The following PDE1C variants were observed in gnomAD, a reference collection of about 807,000 sequenced individuals.
PDE1C encodes dual specificity calcium/calmodulin-dependent 3',5'-cyclic nucleotide phosphodiesterase 1C.
PDE1C carries 62 observed loss-of-function variants against 93.1 expected under a neutral mutation model. The observed-to-expected ratio is 0.67, with a 90% CI of 0.54 to 0.82. PDE1C has a LOEUF of 0.82. Among genes scored for constraint, PDE1C ranks in the 40% least tolerant of loss-of-function variants. PDE1C has a pLI of 0.00. For synonymous variants in PDE1C, 325 were observed against 310.1 expected (o/e 1.05, Z -0.50); for missense variants, 742 against 884.6 (o/e 0.84, Z 2.04).
rs201741291 is a variant in PDE1C, at chr7:31,753,069, AT to A, written c.*314del. 45 of 177,720 alleles carry A rather than the reference AT, an allele frequency of 2.5e-4. No homozygotes were observed. The highest frequency in any genetic ancestry group is 4.3e-4 in the East Asian group (3 of 6,974). 11.0% of individuals were successfully genotyped at this position (177,720 alleles called of 1,614,324 possible). A position where few individuals can be genotyped will look rare whatever the true frequency, so the allele number is the denominator to read the frequency against. On this transcript the variant is annotated 3_prime_UTR_variant, in exon 18 of 18. Coordinates refer to ENST00000396191, the MANE Select transcript of PDE1C (RefSeq NM_001191057.4). ...AAAAAGTGGCAATGAGAGGAATTTT[AT>A]TTTTTTTTAAGTTTGTGTCATTTTA...
chr7:32,049,971 A>T (rs1339733091), intron 2 of PDE1C, among the ~76,000 whole-genome samples: 1 of 152,228 alleles, frequency 6.6e-6, no homozygotes, highest in Non-Finnish European at 1.5e-5. Context: ...AGCCTACTAC[A>T]TGCCTAGGCT....
At chr7:31,780,876 A>C (rs1783362298) in intron 16 of PDE1C, among the ~76,000 whole-genome samples, 1 of 151,942 alleles carries the variant, frequency 6.6e-6, no homozygotes, top group Non-Finnish European at 1.5e-5. Flanking sequence ...TTTGGGAAAT[A>C]AACACTTTAA....
At chr7:32,407,085 C>T (rs569081579) in intron 1 of PDE1C, among the ~76,000 whole-genome samples, 6 of 152,092 alleles carry the variant, frequency 3.9e-5, no homozygotes, top group Non-Finnish European at 5.9e-5. Flanking sequence ...ACCAGCCTGG[C>T]CAACATGGTG....
chr7:32,206,771 G>C (rs986469758), intron 2 of PDE1C, among the ~76,000 whole-genome samples: 2 of 152,324 alleles, frequency 1.3e-5, no homozygotes, highest in East Asian at 3.9e-4. Context: ...GGTGGCTCTC[G>C]CCCCAGGACA....
intron 2 of PDE1C, among the ~76,000 whole-genome samples, chr7:32,206,803 A>C (rs1805591351): frequency 6.6e-6 from 1 of 152,212 alleles, no homozygotes; most frequent in Non-Finnish European, 1.5e-5. Flanking sequence ...GATAGATGCC[A>C]TTCTCAAACC....
intron 1 of PDE1C, among the ~76,000 whole-genome samples, chr7:32,054,773 C>A (rs1343501311): frequency 2.6e-5 from 4 of 152,208 alleles, no homozygotes; most frequent in African/African-American, 9.6e-5. Flanking sequence ...GCCCTAAAAT[C>A]AACCCAAATG....
intron 3 of PDE1C, among the ~76,000 whole-genome samples, chr7:32,140,572 C>A (rs1389207230): frequency 6.6e-6 from 1 of 152,226 alleles, no homozygotes; most frequent in African/African-American, 2.4e-5. Context: ...CACACTTTTC[C>A]TGACAGCTGA....
intron 2 of PDE1C, among the ~76,000 whole-genome samples, chr7:31,888,308 A>G (rs1253664464): frequency 6.6e-6 from 1 of 150,434 alleles, no homozygotes; most frequent in Non-Finnish European, 1.5e-5. Context: ...TGATCTCGTT[A>G]TGCACCTCAA....
At chr7:32,323,840 G>A (rs1273627312) in intron 1 of PDE1C, among the ~76,000 whole-genome samples, 1 of 152,098 alleles carries the variant, frequency 6.6e-6, no homozygotes, top group East Asian at 1.9e-4. Flanking sequence ...ACCCCAGCAT[G>A]GGTTTGGAGC....
chr7:31,813,366 G>A (rs1214990171), intron 15 of PDE1C, among the ~76,000 whole-genome samples: 2 of 152,082 alleles, frequency 1.3e-5, no homozygotes, highest in African/African-American at 4.8e-5. Flanking sequence ...GCTGGGGTGG[G>A]GGAAAAGTCC....
At chr7:31,634,163 T>G in the PDE1C span, among the ~76,000 whole-genome samples, 3 of 152,288 alleles carry the variant, frequency 2.0e-5, no homozygotes, top group East Asian at 3.9e-4. Flanking sequence ...CAGAAATGTT[T>G]CCCAACTTAC....
At chr7:31,686,581 C>T in the PDE1C span, 3 of 152,088 alleles carry the variant, frequency 2.0e-5, no homozygotes, top group Non-Finnish European at 4.4e-5. Context: ...ATTTCATTAC[C>T]CCATTCAAAC....
chr7:31,988,995 CAA>C (rs36081234), intron 2 of PDE1C, among the ~76,000 whole-genome samples: 41 of 34,170 alleles, frequency 1.2e-3, no homozygotes, highest in African/African-American at 3.6e-3. Flanking sequence ...AACTTCTTCT[CAA>C]AAAAAAAAAA....
chr7:31,848,612 A>ATAT (rs1243425706), intron 8 of PDE1C, among the ~76,000 whole-genome samples: 1 of 152,198 alleles, frequency 6.6e-6, no homozygotes, highest in Non-Finnish European at 1.5e-5. Context: ...AGAATAAAGA[A>ATAT]TATAAAGATT....
chr7:31,975,891 C>T lies in PDE1C; in HGVS notation c.128+75663G>A, dbSNP rs914515463. Among the ~76,000 whole-genome samples, 3 of 152,174 alleles carry T rather than the reference C, an allele frequency of 2.0e-5. No homozygotes were observed. In the South Asian group the frequency reaches 6.2e-4, roughly 32 times the overall value. ...AACCACATCACTGATTTACACTCTC[C>T]TCCACATTTAACCGAAAAGTGACCA... On this transcript the variant is annotated intron_variant, in intron 2 of 17. Transcript: ENST00000396191.
At chr7:31,642,358 G>A in the PDE1C span, 1 of 801,894 alleles carries the variant, frequency 1.2e-6, no homozygotes, top group Non-Finnish European at 2.0e-6. Flanking sequence ...AGCTAACTCA[G>A]AAAGAGGGGT....
At chr7:32,296,474 G>T (rs527613835) in intron 1 of PDE1C, among the ~76,000 whole-genome samples, 1 of 152,244 alleles carries the variant, frequency 6.6e-6, no homozygotes, top group African/African-American at 2.4e-5. Context: ...AATGTGGAAA[G>T]GGGGAGGGAA....
intron 17 of PDE1C, among the ~76,000 whole-genome samples, chr7:31,760,735 T>C (rs1233106566): frequency 1.3e-5 from 2 of 149,266 alleles, no homozygotes; most frequent in African/African-American, 5.0e-5. Context: ...CTTTCTCCTA[T>C]AGACACTTTC....
intron 2 of PDE1C, among the ~76,000 whole-genome samples, chr7:31,935,407 T>C (rs1458659632): frequency 6.6e-6 from 1 of 152,124 alleles, no homozygotes; most frequent in East Asian, 1.9e-4. Flanking sequence ...TCCTATTGAC[T>C]TCAGGGCACA....
Sources: gnomAD v4.1 joint callset for allele counts (sites outside exome capture counted in the v4.1 genomes callset) on GRCh38, gnomAD v4.1.1 for gene constraint, MANE v1.5 for transcripts, NCBI Gene and HGNC (gene_info 2026-07-23, HGNC 2026-07-21) for gene names.